TASP1: variants seen among roughly 807,000 people sequenced by gnomAD.
The protein encoded by TASP1 is taspase 1, also known as threonine aspartase 1.
A neutral mutation model predicts 56.6 loss-of-function variants in TASP1; 16 were observed. The observed-to-expected ratio is 0.28, with a 90% confidence interval of 0.19 to 0.43. The LOEUF (loss-of-function observed/expected upper bound fraction) is 0.43. TASP1 is among the 20% of genes least tolerant of loss of function. The pLI is 1.00. For synonymous variants in TASP1, 179 were observed against 184.2 expected (o/e 0.97, Z 0.23); for missense variants, 393 against 511.6 (o/e 0.77, Z 2.24).
chr20:13,404,117 T>C (rs2041833769), intron 13 of TASP1, among the ~76,000 whole-genome samples: 2 of 152,192 alleles, frequency 1.3e-5, no homozygotes, highest in Admixed American at 1.3e-4. Context: ...AGCAATCACT[T>C]TCTGATTTCT....
the TASP1 span, among the ~76,000 whole-genome samples, chr20:13,373,342 G>A: frequency 6.6e-6 from 1 of 151,936 alleles, no homozygotes. Flanking sequence ...AATTATCAGT[G>A]CTCTTTGTTT....
At chr20:13,150,907 T>C in the TASP1 span, among the ~76,000 whole-genome samples, 1 of 152,342 alleles carries the variant, frequency 6.6e-6, no homozygotes, top group African/African-American at 2.4e-5. Context: ...TCATCATTTA[T>C]TGATTTTTTT....
At chr20:13,435,229 G>A (rs2042960448) in intron 11 of TASP1, 75 bp from the exon 12 acceptor site, 2 of 1,090,294 alleles carry the variant, frequency 1.8e-6, no homozygotes, top group South Asian at 3.0e-5. Context: ...TTGATTATTA[G>A]AACAAAAATG....
At chr20:13,277,632 T>TC in the TASP1 span, among the ~76,000 whole-genome samples, 2 of 140,828 alleles carry the variant, frequency 1.4e-5, no homozygotes, top group Non-Finnish European at 3.0e-5. Context: ...TTTCTTTTCT[T>TC]CCCCCCTACC....
chr20:13,350,559 G>C, the TASP1 span, among the ~76,000 whole-genome samples: 1 of 151,948 alleles, frequency 6.6e-6, no homozygotes, highest in Admixed American at 6.6e-5. Flanking sequence ...AAGAATGAAA[G>C]GCAAGCTACA....
At chr20:13,484,609 T>C (rs6109907) in intron 10 of TASP1, among the ~76,000 whole-genome samples, 38,484 of 150,778 alleles carry the variant, frequency 0.26, 5,047 homozygotes, top group Middle Eastern at 0.31. Flanking sequence ...TAGTGGCAGG[T>C]GCCTTAATCC....
chr20:13,274,500 T>G, the TASP1 span, among the ~76,000 whole-genome samples: 1 of 152,172 alleles, frequency 6.6e-6, no homozygotes, highest in Admixed American at 6.5e-5. Context: ...AGCTGGAGCC[T>G]GGGAGCTGAA....
the TASP1 span, chr20:13,132,833 C>A: frequency 6.6e-6 from 1 of 152,200 alleles, no homozygotes; most frequent in South Asian, 2.1e-4. Context: ...CAACAGCCAC[C>A]GAGCCTCAAC....
chr20:13,340,650 A>T, the TASP1 span, among the ~76,000 whole-genome samples: 1 of 152,196 alleles, frequency 6.6e-6, no homozygotes, highest in Non-Finnish European at 1.5e-5. Context: ...TTAAATATTT[A>T]TCATGTTTTA....
the TASP1 span, among the ~76,000 whole-genome samples, chr20:13,215,076 A>G: frequency 6.6e-6 from 1 of 152,314 alleles, no homozygotes; most frequent in South Asian, 2.1e-4. Flanking sequence ...CCCAGGATAC[A>G]TGCTGTTTTC....
intron 11 of TASP1, among the ~76,000 whole-genome samples, chr20:13,453,550 C>G (rs2043710010): frequency 6.6e-6 from 1 of 152,050 alleles, no homozygotes. Flanking sequence ...ATGGCATATA[C>G]TTACATTGGG....
intron 4 of TASP1, among the ~76,000 whole-genome samples, chr20:13,593,948 T>A (rs1450637748): frequency 6.6e-6 from 1 of 152,186 alleles, no homozygotes. Context: ...CACCTCCCAG[T>A]AGGGGCTGAC....
At chr20:13,632,061 A>G (rs547243511) in intron 1 of TASP1, among the ~76,000 whole-genome samples, 62 of 147,744 alleles carry the variant, frequency 4.2e-4, no homozygotes, top group African/African-American at 1.5e-3. Flanking sequence ...CAAAAAAAAA[A>G]GTACAGATTT....
intron 11 of TASP1, among the ~76,000 whole-genome samples, chr20:13,463,523 C>T (rs987158478): frequency 5.3e-5 from 8 of 151,930 alleles, no homozygotes; most frequent in African/African-American, 1.9e-4. Flanking sequence ...AATTAGATCA[C>T]ATCAAAATTA....
chr20:13,139,498 T>C, the TASP1 span, among the ~76,000 whole-genome samples: 3 of 152,228 alleles, frequency 2.0e-5, no homozygotes, highest in African/African-American at 7.2e-5. Flanking sequence ...CCAGCTTCAA[T>C]GTACGGTTTC....
At chr20:13,431,893 CT>C (rs771429128) in intron 12 of TASP1, among the ~76,000 whole-genome samples, 18 of 152,188 alleles carry the variant, frequency 1.2e-4, no homozygotes, top group Non-Finnish European at 2.6e-4. Flanking sequence ...CAGTGTGCCC[CT>C]ATGGGACTCT....
chr20:13,332,178 G>C, the TASP1 span, among the ~76,000 whole-genome samples: 24 of 152,256 alleles, frequency 1.6e-4, no homozygotes, highest in Admixed American at 5.2e-4. Context: ...CTTCAAAATT[G>C]TGTTAACATG....
the TASP1 span, among the ~76,000 whole-genome samples, chr20:13,189,725 C>T: frequency 6.6e-6 from 1 of 151,992 alleles, no homozygotes; most frequent in Admixed American, 6.6e-5. Flanking sequence ...TAGTTCAGCC[C>T]CTGTGGAAAA....
the TASP1 span, among the ~76,000 whole-genome samples, chr20:13,172,516 T>C: frequency 6.6e-6 from 1 of 152,138 alleles, no homozygotes; most frequent in Non-Finnish European, 1.5e-5. Flanking sequence ...GTGATTTCTT[T>C]TCATATATAT....
Sources: allele counts gnomAD v4.1 joint callset (sites outside exome capture counted in the v4.1 genomes callset), GRCh38; gene constraint gnomAD v4.1.1; transcripts MANE v1.5; gene names NCBI Gene and HGNC (gene_info 2026-07-23, HGNC 2026-07-21).